Variants in CTNNA3 observed in about 807,000 individuals in gnomAD.
CTNNA3 encodes the protein catenin alpha 3, also known as catenin alpha-3.
A neutral mutation model predicts 95.7 loss-of-function variants in CTNNA3; 76 were observed. The ratio of observed to expected loss-of-function variants is 0.79; its 90% CI spans 0.66 to 0.96. The LOEUF (loss-of-function observed/expected upper bound fraction) is 0.96, where lower values mean the gene tolerates loss of function less well. Among genes scored for constraint, CTNNA3 ranks in the 40% least tolerant of loss-of-function variants. The pLI, the probability that CTNNA3 is intolerant of heterozygous loss-of-function variation, is 0.00. For missense variants in CTNNA3, 1,191 were observed against 1,089.8 expected (o/e 1.09, Z -1.31); for synonymous variants, 431 against 374.4 (o/e 1.15, Z -1.74).
At chr10:67,400,196 T>A (rs1844867891) in intron 5 of CTNNA3, among the ~76,000 whole-genome samples, 1 of 152,066 alleles carries the variant, frequency 6.6e-6, no homozygotes, top group African/African-American at 2.4e-5. Context: ...ACCAAAACCT[T>A]CAAGATGCCA....
chr10:66,556,392 G>A (rs1030565401), intron 10 of CTNNA3, among the ~76,000 whole-genome samples: 5 of 151,962 alleles, frequency 3.3e-5, no homozygotes, highest in African/African-American at 7.2e-5. Context: ...AATCAGTATC[G>A]CGAAGAGATT....
At chr10:66,708,112 T>G (rs1308338041) in intron 9 of CTNNA3, among the ~76,000 whole-genome samples, 2 of 152,098 alleles carry the variant, frequency 1.3e-5, no homozygotes, top group Non-Finnish European at 2.9e-5. Flanking sequence ...AAAATAATTC[T>G]TGCCACTAAC....
chr10:66,128,581 A>G (rs866162790), intron 13 of CTNNA3, among the ~76,000 whole-genome samples: 1 of 152,210 alleles, frequency 6.6e-6, no homozygotes, highest in Admixed American at 6.5e-5. Flanking sequence ...TTCCAACTAT[A>G]TGACATTCTG....
chr10:66,709,663 GTTGT>G (rs1848228909), intron 9 of CTNNA3, among the ~76,000 whole-genome samples: 4 of 152,070 alleles, frequency 2.6e-5, no homozygotes, highest in African/African-American at 2.4e-5. Flanking sequence ...AAAAGTTGGT[GTTGT>G]TTATTACAAA....
rs1262125348 is a variant in CTNNA3 at position 67,544,815 on chromosome 10, A to T, written c.293-5146T>A. On this transcript the variant is annotated intron_variant, in intron 3 of 17. Transcript: ENST00000433211. The stretch of plus-strand genomic sequence containing the variant: ...TGGGGAAGAATTAGCCTTAGACTGA[A>T]CATTGCCCTAGTGCCTTCTAACAAA... Among the ~76,000 whole-genome samples, 4 of 152,202 alleles carry T rather than the reference A, an allele frequency of 2.6e-5. No individual in the cohort carries two copies. In the East Asian group the frequency reaches 7.7e-4, roughly 29 times the overall value.
intron 5 of CTNNA3, among the ~76,000 whole-genome samples, chr10:67,354,435 A>G (rs1842739043): frequency 6.6e-6 from 1 of 152,042 alleles, no homozygotes; most frequent in Non-Finnish European, 1.5e-5. Context: ...ACCCATTTGT[A>G]TGTATGTTTG....
chr10:67,256,123 C>T (rs1381247645), intron 5 of CTNNA3, among the ~76,000 whole-genome samples: 1 of 152,058 alleles, frequency 6.6e-6, no homozygotes, highest in Non-Finnish European at 1.5e-5. Context: ...GACTAGATTA[C>T]ACTAAGACCT....
rs187793359 is a variant in CTNNA3, at chr10:67,728,959, C to T, written c.-2+34475G>A. Among the ~76,000 whole-genome samples the T allele has an allele frequency of 1.4e-4, 21 of 152,170 alleles. No homozygotes were observed. In the East Asian group the frequency reaches 3.7e-3, roughly 27 times the overall value. On this transcript the variant is annotated intron_variant, in intron 1 of 17. Coordinates refer to the CTNNA3 transcript ENST00000684154. Reference sequence around the variant, plus strand: ...AATTGGTTTTCTAGAGGAAATGATGCCTCCTTTAAAGCTTCCATATTAATT... The same window carrying T: ...AATTGGTTTTCTAGAGGAAATGATGTCTCCTTTAAAGCTTCCATATTAATT...
intron 7 of CTNNA3, among the ~76,000 whole-genome samples, chr10:66,895,072 A>AG (rs71035198): frequency 6.7e-6 from 1 of 150,218 alleles, no homozygotes; most frequent in Non-Finnish European, 1.5e-5. Context: ...AAAAAAAAAA[A>AG]GAAAGTGTCC....
chr10:67,556,166 T>C (rs955372278), intron 3 of CTNNA3, among the ~76,000 whole-genome samples: 2 of 152,216 alleles, frequency 1.3e-5, no homozygotes, highest in African/African-American at 4.8e-5. Flanking sequence ...CAATATTTTA[T>C]TGAGGATTTG....
At chr10:66,861,371 T>C (rs972270601) in intron 7 of CTNNA3, among the ~76,000 whole-genome samples, 7 of 152,068 alleles carry the variant, frequency 4.6e-5, no homozygotes, top group African/African-American at 1.7e-4. Flanking sequence ...TTCCCCCACA[T>C]CCCAAAGCTG....
At chr10:66,585,425 A>T (rs1275588702) in intron 10 of CTNNA3, among the ~76,000 whole-genome samples, 1 of 151,692 alleles carries the variant, frequency 6.6e-6, no homozygotes, top group Non-Finnish European at 1.5e-5. Flanking sequence ...GATTGGGTTA[A>T]TTTGAAAGCC....
At chr10:66,847,011 T>C (rs1337594482) in intron 7 of CTNNA3, among the ~76,000 whole-genome samples, 1 of 152,222 alleles carries the variant, frequency 6.6e-6, no homozygotes. Flanking sequence ...AATAGTGAGC[T>C]TGAATCTAGT....
chr10:66,250,385 T>G (rs1028502085), intron 13 of CTNNA3, among the ~76,000 whole-genome samples: 2 of 152,146 alleles, frequency 1.3e-5, no homozygotes, highest in East Asian at 3.9e-4. Flanking sequence ...CTATAATCAA[T>G]AATAATGTAC....
chr10:66,509,985 G>A (rs1840598592), intron 11 of CTNNA3, among the ~76,000 whole-genome samples: 1 of 151,760 alleles, frequency 6.6e-6, no homozygotes, highest in African/African-American at 2.4e-5. Flanking sequence ...AGACTGCCTT[G>A]GGTGAAATGG....
chr10:67,722,397 A>C (rs1841184471), intron 1 of CTNNA3, among the ~76,000 whole-genome samples: 1 of 152,186 alleles, frequency 6.6e-6, no homozygotes, highest in Non-Finnish European at 1.5e-5. Flanking sequence ...TATGTCATGA[A>C]GTTTTTGCTA....
intron 7 of CTNNA3, among the ~76,000 whole-genome samples, chr10:66,854,234 T>C (rs1843603530): frequency 1.3e-5 from 2 of 152,094 alleles, no homozygotes; most frequent in African/African-American, 4.8e-5. Context: ...TTTTGAAGAA[T>C]ATCTCACATT....
At chr10:66,162,357 G>T (rs946850526) in intron 13 of CTNNA3, among the ~76,000 whole-genome samples, 3 of 152,118 alleles carry the variant, frequency 2.0e-5, no homozygotes, top group Non-Finnish European at 4.4e-5. Flanking sequence ...AGGGTCTAGG[G>T]CTGAAGGCTA....
intron 7 of CTNNA3, among the ~76,000 whole-genome samples, chr10:66,817,297 G>GA (rs71035184): frequency 0.15 from 22,568 of 151,386 alleles, 2,019 homozygotes; most frequent in Non-Finnish European, 0.21. Flanking sequence ...CCCAAATCAA[G>GA]AAAATAATAA....
Sources: gnomAD v4.1 joint callset for allele counts (sites outside exome capture counted in the v4.1 genomes callset) on GRCh38, gnomAD v4.1.1 for gene constraint, MANE v1.5 for transcripts, NCBI Gene and HGNC (gene_info 2026-07-23, HGNC 2026-07-21) for gene names.